MYH9: variants seen among roughly 807,000 people sequenced by gnomAD.
The protein encoded by MYH9 is myosin-9.
MYH9 carries 29 observed loss-of-function variants against 241.9 expected under a neutral mutation model. That is an observed-to-expected ratio of 0.12 (90% CI 0.09 to 0.16). The LOEUF is 0.16. MYH9 is among the 10% of genes least tolerant of loss of function. The pLI, the probability that MYH9 is intolerant of heterozygous loss-of-function variation, is 1.00. For missense variants in MYH9, 1,803 were observed against 2,595.5 expected (o/e 0.69, Z 6.63); for synonymous variants, 1,047 against 1,062.6 (o/e 0.99, Z 0.29).
At chr22:36,309,162 C>T in intron 15 of MYH9, 120 bp downstream of exon 15, 1 of 863,410 alleles carries the variant, frequency 1.2e-6, no homozygotes, top group Admixed American at 2.0e-5. Flanking sequence ...GCAGAGACCA[C>T]CTGGCCTATG....
At chr22:36,370,436 A>G (rs2413399) in intron 1 of MYH9, among the ~76,000 whole-genome samples, 93,723 of 152,138 alleles carry the variant, frequency 0.62, 29,659 homozygotes, top group Non-Finnish European at 0.68. Context: ...GGTCCTGGCG[A>G]CAAGGCCTCT....
intron 1 of MYH9, 146 bp downstream of exon 1, chr22:36,387,661 C>G (rs1015424331): frequency 6.6e-6 from 1 of 151,558 alleles, no homozygotes; most frequent in South Asian, 2.1e-4. Flanking sequence ...GTGCCGGGCC[C>G]TGAGCCGCCG....
rs886057484 is a variant in MYH9, at chr22:36,314,160, G to T, written c.1539C>A (p.Asp513Glu). Reference sequence around the variant, plus strand: ...TGGTACTCACTGGCTTCTCAATGAGGTCGATGCAGGGCTGCAGGTCGAGGC... The same window carrying T: ...TGGTACTCACTGGCTTCTCAATGAGTTCGATGCAGGGCTGCAGGTCGAGGC... The part of the protein sequence containing the change: ...DFGLDLQPCI[D>E]LIEKPAGPPG... The change falls in exon 13 of 41, where the codon GAC becomes GAA. Residue 513 changes from aspartate to glutamate, a missense_variant. Physicochemically the swap from Asp to Glu is conservative, Grantham distance 45. This residue lies in a region of MYH9 where 163 missense variants were observed against 349.7 expected (regional missense o/e 0.47). Transcript: ENST00000216181. 6.2e-7 allele frequency: 1 copy of T among 1,614,214 alleles called. No homozygotes were observed. The highest frequency in any genetic ancestry group is 1.6e-4 in the Middle Eastern group (1 of 6,062).
rs139809743 is a variant in MYH9, at chr22:36,347,002, A to C, written c.333+1902T>G. On this transcript the variant is annotated intron_variant, in intron 2 of 40. Transcript: ENST00000216181. ...GTTCAAGGTGGCTAGGGCAACATAA[A>C]GAAATAAAGAGCTATTTTAGGAATA... Among the ~76,000 whole-genome samples, 5 of 152,314 alleles carry C rather than the reference A, an allele frequency of 3.3e-5. No individual in the cohort carries two copies. The East Asian group carries it at 9.7e-4, about 29-fold the overall frequency.
intron 1 of MYH9, among the ~76,000 whole-genome samples, chr22:36,385,686 G>A (rs1662290277): frequency 1.3e-5 from 2 of 152,172 alleles, no homozygotes; most frequent in African/African-American, 4.8e-5. Context: ...CCCAGAGCCT[G>A]CCAATGCCGG....
chr22:36,378,112 A>C (rs530298752), intron 1 of MYH9, among the ~76,000 whole-genome samples: 7 of 141,430 alleles, frequency 4.9e-5, no homozygotes, highest in Non-Finnish European at 1.1e-4. Flanking sequence ...CTGTCTCTAC[A>C]AAAAAAAAAA....
intron 11 of MYH9, among the ~76,000 whole-genome samples, chr22:36,317,766 C>T (rs2146360592): frequency 6.6e-6 from 1 of 152,374 alleles, no homozygotes; most frequent in East Asian, 1.9e-4. Flanking sequence ...GCTCGTCTCT[C>T]AGCACACGTG....
chr22:36,316,392 T>C (rs1444761208), intron 12 of MYH9, 125 bp downstream of exon 12: 1 of 1,418,356 alleles, frequency 7.1e-7, no homozygotes, highest in Admixed American at 1.7e-5. Flanking sequence ...AACCAAAGTC[T>C]TCATGCAAAG....
chr22:36,373,824 CA>C (rs2018123936), intron 1 of MYH9, among the ~76,000 whole-genome samples: 1 of 152,124 alleles, frequency 6.6e-6, no homozygotes, highest in Non-Finnish European at 1.5e-5. Context: ...CCTCAGTGGA[CA>C]TAAGAGGGTC....
rs771622855 is a variant in MYH9 at position 36,314,360 on chromosome 22, C to T, written c.1381-42G>A. 5.6e-6 allele frequency: 9 copies of T among 1,611,060 alleles called. No homozygotes were observed. The South Asian group carries it at 9.9e-5, about 18-fold the overall frequency. ...CAATGTCAGAGAGACGCCAACCCTG[C>T]ACTAAAGAGGCCCAGACACCCCTTG... On this transcript the variant is annotated intron_variant, in intron 12 of 40. Coordinates refer to ENST00000216181, the MANE Select transcript of MYH9 (RefSeq NM_002473.6).
intron 3 of MYH9, among the ~76,000 whole-genome samples, chr22:36,337,913 A>G (rs147692587): frequency 6.6e-6 from 1 of 152,270 alleles, no homozygotes; most frequent in Non-Finnish European, 1.5e-5. Context: ...TCTGTTACTA[A>G]CTTCCTCCCT....
At chr22:36,319,443 G>A in intron 10 of MYH9, 97 bp downstream of exon 10, 1 of 1,122,060 alleles carries the variant, frequency 8.9e-7, no homozygotes, top group South Asian at 1.3e-5. Flanking sequence ...ACATTAAAAA[G>A]AATAGTGTCC....
intron 2 of MYH9, among the ~76,000 whole-genome samples, chr22:36,346,809 T>C (rs2017684844): frequency 6.6e-6 from 1 of 152,126 alleles, no homozygotes; most frequent in South Asian, 2.1e-4. Flanking sequence ...TTTCACCATG[T>C]TGCCCAGATT....
At position 36,282,438 on chromosome 22, in the gene MYH9, T is replaced by G; in HGVS notation, c.*230A>C. ...CTGCCTGGGCCCGGGCCCTGTCTCT[T>G]TGGTATCAGATTCTGAGCAGGGGAG... On this transcript the variant is annotated 3_prime_UTR_variant, in exon 41 of 41. Transcript: ENST00000216181. The G allele has an allele frequency of 6.2e-6, 4 of 646,568 alleles. No homozygotes were observed. Among genetic ancestry groups the G allele is most frequent in the East Asian group, 2.6e-5 (1 of 38,050 alleles). 40.1% of individuals were successfully genotyped at this position (646,568 alleles called of 1,614,324 possible). A position where few individuals can be genotyped will look rare whatever the true frequency, so the allele number is the denominator to read the frequency against.
rs142565774 is a variant in MYH9 at position 36,282,763 on chromosome 22, C to A, written c.5788G>T (p.Val1930Leu). The A allele has an allele frequency of 3.7e-6, 6 of 1,612,272 alleles. No homozygotes were observed. Among genetic ancestry groups the A allele is most frequent in the East Asian group, 4.5e-5 (2 of 44,906 alleles). The change falls in exon 41 of 41, where the codon GTG becomes TTG. Residue 1930 changes from valine to leucine, a missense_variant. Val to Leu is a conservative substitution (Grantham distance 32, BLOSUM62 1). This residue lies in a region of MYH9 where 876 missense variants were observed against 1,077.8 expected (regional missense o/e 0.81). Transcript: ENST00000216181. ...CCTTTCCGGGCCATTCGGCGGGGCA[C>A]GACAAACGGCAGGTCCCCGCGCCTG... is the stretch of plus-strand genomic sequence containing the variant. ...KLRRGDLPFV[V>L]PRRMARKGAG...
rs1301439151 is a variant in MYH9 at position 36,283,537 on chromosome 22, C to CA, written c.5765+555dup. On this transcript the variant is annotated intron_variant, in intron 40 of 40. Transcript: ENST00000216181. ...GGGCAACAAGAGCGAAACTCCGTCT[C>CA]AAAAAAAAAAAACAAAAAAAATAAA... Among the ~76,000 whole-genome samples the CA allele has an allele frequency of 9.5e-3, 664 of 69,848 alleles. 4 individuals are homozygous for CA. Among genetic ancestry groups the CA allele is most frequent in the African/African-American group, 0.03 (533 of 17,696 alleles). 45.8% of individuals were successfully genotyped at this position (69,848 alleles called of 152,430 possible). A position where few individuals can be genotyped will look rare whatever the true frequency, so the allele number is the denominator to read the frequency against.
chr22:36,374,814 C>T (rs896800047), intron 1 of MYH9, among the ~76,000 whole-genome samples: 1 of 152,132 alleles, frequency 6.6e-6, no homozygotes, highest in Non-Finnish European at 1.5e-5. Flanking sequence ...TTTCACCAGC[C>T]CCAGGTGACT....
At chr22:36,356,053 T>C (rs1170637816) in intron 1 of MYH9, among the ~76,000 whole-genome samples, 3 of 152,294 alleles carry the variant, frequency 2.0e-5, no homozygotes, top group South Asian at 2.1e-4. Context: ...CAATCTCCAA[T>C]GGCCTTGGGC....
intron 2 of MYH9, among the ~76,000 whole-genome samples, chr22:36,345,403 G>A (rs1199665054): frequency 1.3e-5 from 2 of 151,522 alleles, no homozygotes; most frequent in African/African-American, 4.9e-5. Flanking sequence ...GTAAGGGGCA[G>A]AGCTGGGATT....
Sources: gnomAD v4.1 joint callset for allele counts (sites outside exome capture counted in the v4.1 genomes callset) on GRCh38, gnomAD v4.1.1 for gene constraint, gnomAD v4.1.1 regional missense constraint, MANE v1.5 for transcripts, NCBI Gene and HGNC (gene_info 2026-07-23, HGNC 2026-07-21) for gene names.